HMGCLL1: variants seen among roughly 807,000 people sequenced by gnomAD.
HMGCLL1 encodes the protein 3-hydroxymethyl-3-methylglutaryl-CoA lyase, cytoplasmic.
A neutral mutation model predicts 39.1 loss-of-function variants in HMGCLL1; 36 were observed. That is an observed-to-expected ratio of 0.92 (90% CI 0.71 to 1.22). HMGCLL1 has a LOEUF of 1.22. HMGCLL1 is among the 50% of genes most tolerant of loss of function. The pLI is 0.00. For missense variants in HMGCLL1, 451 were observed against 416.5 expected (o/e 1.08, Z -0.72); for synonymous variants, 149 against 144.0 (o/e 1.03, Z -0.25).
chr6:55,539,884 A>AAG (rs1769253223), intron 3 of HMGCLL1, among the ~76,000 whole-genome samples: 1 of 135,622 alleles, frequency 7.4e-6, no homozygotes, highest in South Asian at 2.5e-4. Flanking sequence ...GAAAGAAAGA[A>AAG]AGAAAGAAAG....
upstream of HMGCLL1, chr6:55,579,198 G>C (rs567304256): frequency 1.5e-6 from 1 of 660,494 alleles, no homozygotes; most frequent in Admixed American, 2.7e-5. Context: ...TCTGCGCACT[G>C]CGGCGGCGCC....
intron 7 of HMGCLL1, among the ~76,000 whole-genome samples, chr6:55,474,456 T>C (rs1352114172): frequency 2.0e-5 from 3 of 151,616 alleles, no homozygotes; most frequent in Non-Finnish European, 3.0e-5. Flanking sequence ...TTTTTTTTTC[T>C]AGCATTTCTT....
chr6:55,637,889 G>A, the HMGCLL1 span, among the ~76,000 whole-genome samples: 1 of 151,960 alleles, frequency 6.6e-6, no homozygotes, highest in Admixed American at 6.6e-5. Flanking sequence ...AAATCCAAGA[G>A]GAAGGGCACT....
the HMGCLL1 span, among the ~76,000 whole-genome samples, chr6:55,635,930 C>T: frequency 2.0e-5 from 3 of 152,244 alleles, no homozygotes; most frequent in African/African-American, 7.2e-5. Flanking sequence ...TCTGGGAACC[C>T]AGTCTTGTCT....
upstream of HMGCLL1, among the ~76,000 whole-genome samples, chr6:55,581,114 T>C (rs1771978807): frequency 6.6e-6 from 1 of 152,166 alleles, no homozygotes; most frequent in African/African-American, 2.4e-5. Flanking sequence ...AATTGAAGTC[T>C]AAACTTTTGG....
intron 5 of HMGCLL1, among the ~76,000 whole-genome samples, chr6:55,504,713 C>G (rs1401859413): frequency 6.6e-6 from 1 of 150,990 alleles, no homozygotes; most frequent in East Asian, 1.9e-4. Context: ...TGGTTGAATC[C>G]CTGCATGTAT....
chr6:55,607,119 A>G, the HMGCLL1 span, among the ~76,000 whole-genome samples: 1 of 152,224 alleles, frequency 6.6e-6, no homozygotes, highest in Admixed American at 6.5e-5. Context: ...GCATGAGATG[A>G]GTAGCACTAG....
chr6:55,606,132 CT>C, the HMGCLL1 span, among the ~76,000 whole-genome samples: 3 of 152,148 alleles, frequency 2.0e-5, no homozygotes, highest in African/African-American at 7.2e-5. Flanking sequence ...TCCTCTACTT[CT>C]TTTTGAGCTA....
At chr6:55,587,521 T>A in the HMGCLL1 span, among the ~76,000 whole-genome samples, 1 of 152,114 alleles carries the variant, frequency 6.6e-6, no homozygotes. Flanking sequence ...CCAGCTTACA[T>A]CATAATGACA....
chr6:55,655,339 T>C, the HMGCLL1 span, among the ~76,000 whole-genome samples: 12 of 150,968 alleles, frequency 7.9e-5, no homozygotes, highest in African/African-American at 2.7e-4. Flanking sequence ...CCAACCTCCA[T>C]CCCCCTCCTG....
At chr6:55,563,134 A>T (rs1771036570) in intron 1 of HMGCLL1, among the ~76,000 whole-genome samples, 1 of 152,104 alleles carries the variant, frequency 6.6e-6, no homozygotes, top group Non-Finnish European at 1.5e-5. Context: ...TACAAGAACA[A>T]GTCTATAAGC....
intron 7 of HMGCLL1, among the ~76,000 whole-genome samples, chr6:55,459,967 C>T (rs1581804386): frequency 1.3e-5 from 2 of 152,050 alleles, no homozygotes; most frequent in East Asian, 3.9e-4. Context: ...AGAGAAACTT[C>T]ATTTCAGCTA....
intron 5 of HMGCLL1, among the ~76,000 whole-genome samples, chr6:55,506,776 T>A (rs1181843638): frequency 6.6e-6 from 1 of 151,562 alleles, no homozygotes; most frequent in Non-Finnish European, 1.5e-5. Flanking sequence ...GCAACTTGGA[T>A]ACACCAAAAA....
chr6:55,512,491 G>A (rs1396658890), intron 5 of HMGCLL1: 1 of 152,006 alleles, frequency 6.6e-6, no homozygotes, highest in East Asian at 1.9e-4. Flanking sequence ...CATTGCCTTG[G>A]ATTTTAAATT....
intron 3 of HMGCLL1, among the ~76,000 whole-genome samples, chr6:55,541,515 T>C (rs1769430640): frequency 6.6e-6 from 1 of 152,202 alleles, no homozygotes; most frequent in African/African-American, 2.4e-5. Flanking sequence ...TTCATTATAT[T>C]GAACCATACT....
chr6:55,574,908 A>G (rs1160011857), intron 1 of HMGCLL1, among the ~76,000 whole-genome samples: 1 of 152,048 alleles, frequency 6.6e-6, no homozygotes, highest in Non-Finnish European at 1.5e-5. Flanking sequence ...TAAAATAACT[A>G]TAAATTTAAT....
intron 7 of HMGCLL1, among the ~76,000 whole-genome samples, chr6:55,448,222 A>T (rs765721565): frequency 2.6e-4 from 40 of 151,946 alleles, no homozygotes; most frequent in Non-Finnish European, 4.4e-4. Flanking sequence ...ATAAGTTCAT[A>T]GGTTAAATGT....
the HMGCLL1 span, among the ~76,000 whole-genome samples, chr6:55,648,926 T>G: frequency 4.6e-4 from 68 of 149,306 alleles, no homozygotes; most frequent in African/African-American, 1.6e-3. Context: ...AAGAGAATTT[T>G]AGACCAATAT....
At chr6:55,676,688 A>G in the HMGCLL1 span, among the ~76,000 whole-genome samples, 1 of 152,228 alleles carries the variant, frequency 6.6e-6, no homozygotes, top group Non-Finnish European at 1.5e-5. Flanking sequence ...ACTTTCTTTC[A>G]AGAATGCTTG....
Sources: gnomAD v4.1 joint callset for allele counts (sites outside exome capture counted in the v4.1 genomes callset) on GRCh38, gnomAD v4.1.1 for gene constraint, MANE v1.5 for transcripts, NCBI Gene and HGNC (gene_info 2026-07-23, HGNC 2026-07-21) for gene names.